The following SGCZ variants were observed in gnomAD, a reference collection of about 807,000 sequenced individuals.
The protein encoded by SGCZ is sarcoglycan zeta.
A neutral mutation model predicts 41.3 loss-of-function variants in SGCZ; 40 were observed. That is an observed-to-expected ratio of 0.97 (90% confidence interval 0.75 to 1.26). The LOEUF is 1.26. SGCZ is among the 50% of genes most tolerant of loss of function. The pLI, the probability that SGCZ is intolerant of heterozygous loss-of-function variation, is 0.00. For synonymous variants in SGCZ, 206 were observed against 137.5 expected (o/e 1.50, Z -3.49); for missense variants, 552 against 369.8 (o/e 1.49, Z -4.04).
intron 1 of SGCZ, among the ~76,000 whole-genome samples, chr8:14,846,597 C>T (rs1455052984): frequency 6.7e-6 from 1 of 149,618 alleles, no homozygotes; most frequent in Non-Finnish European, 1.5e-5. Flanking sequence ...GGTCAGATCT[C>T]TTTAAAAATA....
At chr8:14,354,415 T>C (rs930350912) in intron 2 of SGCZ, among the ~76,000 whole-genome samples, 5 of 151,914 alleles carry the variant, frequency 3.3e-5, no homozygotes, top group African/African-American at 1.2e-4. Flanking sequence ...GATGTGAATA[T>C]AGTAAGATAT....
At chr8:14,335,803 ATTTG>A (rs924732430) in intron 2 of SGCZ, among the ~76,000 whole-genome samples, 13 of 152,044 alleles carry the variant, frequency 8.6e-5, no homozygotes, top group Admixed American at 3.3e-4. Context: ...GCCAGTCTCT[ATTTG>A]TTTGTGTGTC....
At chr8:14,749,741 G>A (rs1378472982) in intron 1 of SGCZ, among the ~76,000 whole-genome samples, 1 of 151,974 alleles carries the variant, frequency 6.6e-6, no homozygotes, top group Non-Finnish European at 1.5e-5. Flanking sequence ...AATCAGTCAG[G>A]ATTCAGAATG....
At chr8:14,498,756 A>T (rs973548013) in intron 2 of SGCZ, among the ~76,000 whole-genome samples, 3 of 152,098 alleles carry the variant, frequency 2.0e-5, no homozygotes, top group Non-Finnish European at 4.4e-5. Flanking sequence ...TATTTATATT[A>T]ATCCCTGTGG....
At chr8:14,379,975 C>T (rs199890732) in intron 2 of SGCZ, among the ~76,000 whole-genome samples, 1 of 152,132 alleles carries the variant, frequency 6.6e-6, no homozygotes, top group East Asian at 1.9e-4. Flanking sequence ...TCAGGTGATC[C>T]ACCCACCTCG....
intron 5 of SGCZ, among the ~76,000 whole-genome samples, chr8:14,137,054 A>C (rs1803221211): frequency 6.6e-6 from 1 of 152,210 alleles, no homozygotes; most frequent in African/African-American, 2.4e-5. Context: ...GACCTCCACT[A>C]AACTCCAACA....
chr8:15,106,874 G>T (rs939358592), intron 1 of SGCZ, among the ~76,000 whole-genome samples: 1 of 151,798 alleles, frequency 6.6e-6, no homozygotes, highest in Non-Finnish European at 1.5e-5. Flanking sequence ...ATCACAGGAA[G>T]GAAATGTTTC....
At chr8:14,565,415 C>T (rs573956999) in intron 1 of SGCZ, among the ~76,000 whole-genome samples, 2 of 151,794 alleles carry the variant, frequency 1.3e-5, no homozygotes, top group African/African-American at 4.8e-5. Flanking sequence ...AATAGAAATA[C>T]TTAGCCATTA....
At chr8:15,198,584 A>C (rs1007348541) in intron 1 of SGCZ, among the ~76,000 whole-genome samples, 2 of 152,220 alleles carry the variant, frequency 1.3e-5, no homozygotes, top group South Asian at 4.1e-4. Flanking sequence ...TTAACGCATA[A>C]TATCAAGTAG....
intron 1 of SGCZ, among the ~76,000 whole-genome samples, chr8:15,197,952 C>T (rs1056300593): frequency 3.4e-5 from 5 of 149,246 alleles, no homozygotes; most frequent in Non-Finnish European, 7.4e-5. Context: ...ATAATACATA[C>T]CATATTTACA....
chr8:15,236,436 G>T lies in SGCZ; in HGVS notation c.39+1149C>A, dbSNP rs144516034. Among the ~76,000 whole-genome samples, 24 of 151,768 alleles carry T rather than the reference G, an allele frequency of 1.6e-4. No individual in the cohort carries two copies. In the East Asian group the frequency reaches 4.3e-3, roughly 27 times the overall value. On this transcript the variant is annotated intron_variant, in intron 1 of 7. Transcript: ENST00000382080. The stretch of plus-strand genomic sequence containing the variant: ...AACCTCTATTCGTCGTTTCTCCAGC[G>T]GGTGGGGGGGTGCCTAAACATTCTC...
At chr8:14,742,585 C>T (rs1020489034) in intron 1 of SGCZ, among the ~76,000 whole-genome samples, 6 of 151,958 alleles carry the variant, frequency 3.9e-5, no homozygotes, top group Admixed American at 1.3e-4. Flanking sequence ...ACTTGGATCT[C>T]CATTTAATAA....
chr8:14,401,295 T>A (rs1799065941), intron 2 of SGCZ, among the ~76,000 whole-genome samples: 1 of 151,908 alleles, frequency 6.6e-6, no homozygotes, highest in Non-Finnish European at 1.5e-5. Flanking sequence ...TTTTTTTCTT[T>A]AATTATTATA....
rs181472942 is a variant in SGCZ at position 14,547,515 on chromosome 8, G to A, written c.234+7217C>T. 1.9e-3 allele frequency among the ~76,000 whole-genome samples: 283 copies of A among 152,234 alleles called. 1 individual carries two copies. Among genetic ancestry groups the A allele is most frequent in the African/African-American group, 6.6e-3 (273 of 41,546 alleles). On this transcript the variant is annotated intron_variant, in intron 2 of 7. Transcript: ENST00000382080. ...CATAAGACATTTTTCCTGGCAAAAT[G>A]TACCATATAGAATAACTTTCATTAG...
intron 1 of SGCZ, among the ~76,000 whole-genome samples, chr8:14,562,573 G>T (rs187953565): frequency 6.6e-4 from 100 of 152,188 alleles, no homozygotes; most frequent in Middle Eastern, 6.8e-3. Flanking sequence ...CAGAGCAAGT[G>T]ACACCTGAGA....
chr8:14,654,032 G>A (rs532125268), intron 1 of SGCZ, among the ~76,000 whole-genome samples: 2 of 152,032 alleles, frequency 1.3e-5, no homozygotes, highest in Non-Finnish European at 2.9e-5. Context: ...GACAATGCAT[G>A]ATGGAGCATA....
chr8:14,342,376 G>A (rs966962563), intron 2 of SGCZ, among the ~76,000 whole-genome samples: 4 of 152,074 alleles, frequency 2.6e-5, no homozygotes, highest in African/African-American at 9.7e-5. Context: ...GAGTGCACTG[G>A]CGCTATCTCG....
chr8:15,037,669 G>A (rs940701627), intron 1 of SGCZ, among the ~76,000 whole-genome samples: 1 of 152,142 alleles, frequency 6.6e-6, no homozygotes, highest in Non-Finnish European at 1.5e-5. Flanking sequence ...AAATTGGAAA[G>A]TAAGAAGTTA....
At chr8:14,910,113 G>T (rs1206651670) in intron 1 of SGCZ, among the ~76,000 whole-genome samples, 2 of 151,970 alleles carry the variant, frequency 1.3e-5, no homozygotes, top group Non-Finnish European at 2.9e-5. Flanking sequence ...CCTTATTTGA[G>T]ATGTTGCATT....
Sources: gnomAD v4.1 joint callset for allele counts (sites outside exome capture counted in the v4.1 genomes callset) on GRCh38, gnomAD v4.1.1 for gene constraint, MANE v1.5 for transcripts, NCBI Gene and HGNC (gene_info 2026-07-23, HGNC 2026-07-21) for gene names.